The following RUBCNL variants were observed in gnomAD, a reference collection of about 807,000 sequenced individuals.
The protein encoded by RUBCNL is rubicon like autophagy enhancer.
In RUBCNL, 62 loss-of-function variants were observed where a neutral mutation model predicts 69.5. The ratio of observed to expected loss-of-function variants is 0.89; its 90% CI spans 0.73 to 1.10. RUBCNL has a LOEUF of 1.10. Among genes scored for constraint, RUBCNL ranks in the 50% least tolerant of loss-of-function variants. RUBCNL has a pLI of 0.00. For synonymous variants in RUBCNL, 291 were observed against 303.6 expected (o/e 0.96, Z 0.43); for missense variants, 768 against 798.1 (o/e 0.96, Z 0.45).
chr13:46,356,280 G>A (rs1373391102), intron 10 of RUBCNL, among the ~76,000 whole-genome samples, 152 bp downstream of exon 10: 1 of 152,148 alleles, frequency 6.6e-6, no homozygotes, highest in Non-Finnish European at 1.5e-5. Flanking sequence ...CAGTCATGAT[G>A]GACTCCTCAT....
chr13:46,373,760 C>G (rs1456175229), intron 2 of RUBCNL, among the ~76,000 whole-genome samples: 2 of 152,238 alleles, frequency 1.3e-5, no homozygotes, highest in Non-Finnish European at 2.9e-5. Flanking sequence ...GAGTCAATTA[C>G]AGGGCTGTAA....
Position 46,350,198 on chromosome 13 carries a change from T to C in RUBCNL, c.1484A>G (p.Asp495Gly), listed in dbSNP as rs139297008. 3.6e-5 allele frequency: 57 copies of C among 1,591,828 alleles called. No individual in the cohort carries two copies. The highest frequency in any genetic ancestry group is 4.7e-5 in the Non-Finnish European group (55 of 1,168,848). ...GAAAATGGGCTGGTGCCATATGCTG[T>C]CGAGCAGCTGTTTGGAGAAATTGCT... is the stretch of plus-strand genomic sequence containing the variant. Reference protein sequence around the residue: ...YVSNFSKQLLDSIWHQPIFNL... With the variant: ...YVSNFSKQLLGSIWHQPIFNL... Residue 495 changes from aspartate (D) to glycine (G), a missense_variant, in exon 11 of 15, where the codon GAC (aspartate) becomes GGC (glycine). By Grantham distance (94) the Asp-to-Gly change is moderately conservative (BLOSUM62 -1). Coordinates refer to ENST00000429979, the MANE Select transcript of RUBCNL (RefSeq NM_025113.5).
chr13:46,369,358 G>A (rs778126451), intron 3 of RUBCNL, among the ~76,000 whole-genome samples: 1 of 152,150 alleles, frequency 6.6e-6, no homozygotes, highest in Non-Finnish European at 1.5e-5. Flanking sequence ...GAGATTACAG[G>A]TGCCACCATG....
At chr13:46,349,780 G>A (rs905258669) in intron 11 of RUBCNL, among the ~76,000 whole-genome samples, 5 of 151,672 alleles carry the variant, frequency 3.3e-5, no homozygotes, top group East Asian at 3.9e-4. Flanking sequence ...GGGTTCAAGC[G>A]ATTCTCCTGC....
intron 6 of RUBCNL, 53 bp downstream of exon 6, chr13:46,363,062 C>T (rs1338020996): frequency 1.1e-5 from 12 of 1,057,306 alleles, no homozygotes; most frequent in Middle Eastern, 2.1e-4. Context: ...TGTGTGTATG[C>T]GGATGGGATT....
At position 46,354,110 on chromosome 13, in the gene RUBCNL, T is replaced by C. The variant is rs540961574; in HGVS notation, c.1330+2322A>G. ...AGAGAATTGTTTTTAATTTTTTTGG[T>C]GTGATAACTTGTTTCTTATCCTTAT... On this transcript the variant is annotated intron_variant, in intron 10 of 14. Coordinates refer to ENST00000429979, the MANE Select transcript of RUBCNL (RefSeq NM_025113.5). 4.6e-5 allele frequency among the ~76,000 whole-genome samples: 7 copies of C among 152,210 alleles called. No homozygotes were observed. In the South Asian group the frequency reaches 1.4e-3, roughly 32 times the overall value.
chr13:46,357,200 G>A (rs983662664), intron 9 of RUBCNL, among the ~76,000 whole-genome samples: 3 of 151,740 alleles, frequency 2.0e-5, no homozygotes, highest in African/African-American at 7.3e-5. Context: ...GGGCGTGGTG[G>A]TGGACACCTG....
In RUBCNL at chr13:46,340,718, T is replaced by G. The variant is rs1471235971; in HGVS notation, c.*2667A>C. 2.0e-5 allele frequency among the ~76,000 whole-genome samples: 3 copies of G among 152,114 alleles called. No individual in the cohort carries two copies. The highest frequency in any genetic ancestry group is 2.9e-5 in the Non-Finnish European group (2 of 68,008). On this transcript the variant is annotated 3_prime_UTR_variant, in exon 15 of 15. Coordinates refer to ENST00000429979, the MANE Select transcript of RUBCNL (RefSeq NM_025113.5). ...TGGTGGAGGGGAAGGGGAGCCTGCG[T>G]GTGCAGACTCCCCTTGTATGGAAAC... is the stretch of plus-strand genomic sequence containing the variant.
chr13:46,375,330 C>T (rs1043675081), intron 2 of RUBCNL, among the ~76,000 whole-genome samples: 5 of 152,100 alleles, frequency 3.3e-5, no homozygotes, highest in Non-Finnish European at 5.9e-5. Flanking sequence ...GTCAGGAGTT[C>T]GAGACCAGCC....
intron 9 of RUBCNL, among the ~76,000 whole-genome samples, chr13:46,358,978 G>A (rs371497404): frequency 6.6e-6 from 1 of 151,796 alleles, no homozygotes; most frequent in African/African-American, 2.4e-5. Flanking sequence ...AAGTGGTCCA[G>A]TCTTTTAAAA....
At chr13:46,360,781 A>G (rs571713924) in intron 8 of RUBCNL, among the ~76,000 whole-genome samples, 4 of 152,342 alleles carry the variant, frequency 2.6e-5, no homozygotes, top group African/African-American at 9.6e-5. Flanking sequence ...AGTGTGTTCC[A>G]TGAGGGAACC....
intron 11 of RUBCNL, 135 bp from the exon 12 acceptor site, chr13:46,349,482 C>T: frequency 7.6e-6 from 6 of 791,134 alleles, no homozygotes; most frequent in East Asian, 2.7e-5. Context: ...AGCAAACCGC[C>T]TATACAGCAA....
chr13:46,383,964 C>T (rs1408132406), intron 1 of RUBCNL, among the ~76,000 whole-genome samples: 2 of 152,200 alleles, frequency 1.3e-5, no homozygotes, highest in African/African-American at 4.8e-5. Flanking sequence ...ATCTTTAAAT[C>T]TTGTGGACTC....
intron 12 of RUBCNL, among the ~76,000 whole-genome samples, chr13:46,346,886 T>A (rs972075495): frequency 6.6e-6 from 1 of 152,200 alleles, no homozygotes; most frequent in Non-Finnish European, 1.5e-5. Flanking sequence ...CTCAATGAAT[T>A]CATGCCTAAG....
rs2048138368 is a variant in RUBCNL, at chr13:46,341,027, T to C, written c.*2358A>G. On this transcript the variant is annotated 3_prime_UTR_variant, in exon 15 of 15. Transcript: ENST00000429979. ...GGATCTAATCTGAAGTTGTGGCCAATAATTCTCACCCAGGTCAACACACCA... is the reference window on the plus strand; with the variant it reads ...GGATCTAATCTGAAGTTGTGGCCAACAATTCTCACCCAGGTCAACACACCA... Among the ~76,000 whole-genome samples the C allele has an allele frequency of 6.6e-6, 1 of 152,186 alleles. No homozygotes were observed. Among genetic ancestry groups the C allele is most frequent in the Non-Finnish European group, 1.5e-5 (1 of 68,038 alleles).
chr13:46,345,566 A>G lies in RUBCNL; in HGVS notation c.1666T>C (p.Leu556=), dbSNP rs756500797. The G allele has an allele frequency of 5.0e-6, 8 of 1,613,590 alleles. No homozygotes were observed. In the East Asian group the frequency reaches 1.8e-4, roughly 36 times the overall value. ...GAGAACAGGTGGAGCTCATCAGTCAAGTGTCCCGGCACCTGCTCGAACTCC... is the reference window on the plus strand; with the variant it reads ...GAGAACAGGTGGAGCTCATCAGTCAGGTGTCCCGGCACCTGCTCGAACTCC... ...LKEFEQVPGH[L]TDELHLFSLE... Residue 556 remains leucine (L), a synonymous_variant, in exon 13 of 15, where the codon TTG becomes CTG. Transcript: ENST00000429979.
chr13:46,377,936 G>A lies in RUBCNL; in HGVS notation c.-169C>T. On this transcript the variant is annotated 5_prime_UTR_variant, in exon 2 of 15. Transcript: ENST00000429979. ...GAGGCAGATTGACACAGAGGAGAAA[G>A]TAATGATTGGAAACCATCAAAGTCC... The A allele has an allele frequency of 6.2e-7, 1 of 1,609,836 alleles. No homozygotes were observed. The highest frequency in any genetic ancestry group is 8.5e-7 in the Non-Finnish European group (1 of 1,178,468).
intron 5 of RUBCNL, among the ~76,000 whole-genome samples, chr13:46,365,536 A>T (rs1169417635): frequency 6.6e-6 from 1 of 152,114 alleles, no homozygotes; most frequent in Non-Finnish European, 1.5e-5. Flanking sequence ...TGGGATACAA[A>T]CCAGGGAGCA....
chr13:46,351,829 T>C lies in RUBCNL; in HGVS notation c.1331-1478A>G, dbSNP rs868156718. 3.8e-4 allele frequency among the ~76,000 whole-genome samples: 20 copies of C among 52,908 alleles called. 1 individual carries two copies. In the Middle Eastern group the frequency reaches 0.045, roughly 120 times the overall value. The allele number at this position is 52,908 out of a possible 152,430, so 34.7% of individuals were successfully genotyped here. ...AAGAAGGAATTTTTGCTCTTTACACTTTTTTTTTTTTTTTTTTGAGAAGGA... is the reference window on the plus strand; with the variant it reads ...AAGAAGGAATTTTTGCTCTTTACACCTTTTTTTTTTTTTTTTTGAGAAGGA... On this transcript the variant is annotated intron_variant, in intron 10 of 14. Transcript: ENST00000429979.
Sources: gnomAD v4.1 joint callset for allele counts (sites outside exome capture counted in the v4.1 genomes callset) on GRCh38, gnomAD v4.1.1 for gene constraint, MANE v1.5 for transcripts, NCBI Gene and HGNC (gene_info 2026-07-23, HGNC 2026-07-21) for gene names.